ADARB1: variants seen among roughly 807,000 people sequenced by gnomAD.
ADARB1 encodes adenosine deaminase RNA specific B1, also known as double-stranded RNA-specific editase 1.
ADARB1 carries 10 observed loss-of-function variants against 52.4 expected under a neutral mutation model. The observed-to-expected ratio is 0.19, with a 90% CI of 0.12 to 0.32. ADARB1 has a LOEUF of 0.32. ADARB1 is among the 10% of genes least tolerant of loss of function. ADARB1 has a pLI of 1.00. For synonymous variants in ADARB1, 349 were observed against 371.1 expected, an observed-to-expected ratio of 0.94 and a Z score of 0.68; for missense variants, 643 against 922.3, an observed-to-expected ratio of 0.70 and a Z score of 3.92.
chr21:45,221,489 T>G lies in ADARB1; in HGVS notation c.1926+475T>G, dbSNP rs2092963128. Among the ~76,000 whole-genome samples the G allele has an allele frequency of 6.6e-6, 1 of 152,216 alleles. No homozygotes were observed. Among genetic ancestry groups the G allele is most frequent in the Non-Finnish European group, 1.5e-5 (1 of 68,034 alleles). ...GGGTATTACTAGTTTGTGTGTATTC[T>G]TCAGTCAAGTAGATGGCATCTGTTT... On this transcript the variant is annotated intron_variant, in intron 10 of 10. Coordinates refer to ENST00000348831, the MANE Select transcript of ADARB1 (RefSeq NM_001112.4). This position sits in a 1 kb window ranked among gnomAD's most constrained non-coding sequence, Gnocchi z 4.9.
At chr21:45,160,990 A>T (rs1046475934) in intron 2 of ADARB1, among the ~76,000 whole-genome samples, 2 of 152,364 alleles carry the variant, frequency 1.3e-5, no homozygotes, top group East Asian at 3.9e-4. Context: ...GATCTGCTTT[A>T]TAGGATTTAT....
At chr21:45,105,194 G>A (rs1195061256) in intron 1 of ADARB1, among the ~76,000 whole-genome samples, 1 of 152,128 alleles carries the variant, frequency 6.6e-6, no homozygotes, top group East Asian at 1.9e-4. Flanking sequence ...TCTACCTCCT[G>A]GGGTCAAGCA....
intron 1 of ADARB1, among the ~76,000 whole-genome samples, chr21:45,075,699 C>T (rs1486877141): frequency 6.6e-6 from 1 of 152,218 alleles, no homozygotes; most frequent in Non-Finnish European, 1.5e-5. Context: ...TCCCGATTTA[C>T]ACGCTGGAAA....
chr21:45,213,437 T>C (rs905560644), intron 9 of ADARB1, among the ~76,000 whole-genome samples: 13 of 152,240 alleles, frequency 8.5e-5, no homozygotes. Context: ...ATTTAAAGTA[T>C]ACAATTTGAT....
intron 2 of ADARB1, among the ~76,000 whole-genome samples, chr21:45,167,694 C>T (rs898274334): frequency 2.6e-5 from 4 of 152,052 alleles, no homozygotes; most frequent in Non-Finnish European, 5.9e-5. Context: ...TTGCAGTGAG[C>T]CGAGATAGCG....
chr21:45,216,929 C>T (rs9983925), intron 9 of ADARB1, among the ~76,000 whole-genome samples: 68,256 of 151,378 alleles, frequency 0.45, 18,182 homozygotes, highest in African/African-American at 0.75. Flanking sequence ...CTTAATAAAC[C>T]GACCTCCTTT....
intron 2 of ADARB1, among the ~76,000 whole-genome samples, chr21:45,168,808 C>T (rs1363912253): frequency 2.0e-5 from 3 of 152,002 alleles, no homozygotes; most frequent in African/African-American, 4.8e-5. Context: ...GTGTCATCTC[C>T]GTGTTGGCAT....
chr21:45,171,301 C>G (rs1355518647), intron 2 of ADARB1, among the ~76,000 whole-genome samples: 1 of 152,226 alleles, frequency 6.6e-6, no homozygotes, highest in Non-Finnish European at 1.5e-5. Flanking sequence ...TCCCTGGGCA[C>G]TGGCCCTGAA....
chr21:45,148,009 G>A (rs116036357), intron 2 of ADARB1, among the ~76,000 whole-genome samples: 2,057 of 152,006 alleles, frequency 0.014, 42 homozygotes, highest in African/African-American at 0.047. Context: ...CAGCCCTCTC[G>A]AACTCACCCC....
At position 45,223,623 on chromosome 21, in the gene ADARB1, C is replaced by A. The variant is rs549197175; in HGVS notation, c.*1426C>A. 1 of 985,616 alleles carries A rather than the reference C, an allele frequency of 1.0e-6. No individual in the cohort carries two copies. The allele number at this position is 985,616 out of a possible 1,614,324, so 61.1% of individuals were successfully genotyped here. On this transcript the variant is annotated 3_prime_UTR_variant, in exon 11 of 11. Coordinates refer to ENST00000348831, the MANE Select transcript of ADARB1 (RefSeq NM_001112.4). ...GGGAGAGATTGGTGCAGACCTTACCCCACAGCATACACCTGCCACAGCGAA... is the reference window on the plus strand; with the variant it reads ...GGGAGAGATTGGTGCAGACCTTACCACACAGCATACACCTGCCACAGCGAA...
intron 2 of ADARB1, chr21:45,152,600 C>G: frequency 2.4e-6 from 1 of 417,712 alleles, no homozygotes. Context: ...CTGGCATTGG[C>G]GTGTCTGCAT....
chr21:45,131,562 C>T (rs542309466), intron 2 of ADARB1, among the ~76,000 whole-genome samples: 1 of 152,336 alleles, frequency 6.6e-6, no homozygotes, highest in East Asian at 1.9e-4. Context: ...CCCATGTCAC[C>T]ATGATGCCTA....
At chr21:45,103,913 C>T (rs1215469817) in intron 1 of ADARB1, among the ~76,000 whole-genome samples, 3 of 152,098 alleles carry the variant, frequency 2.0e-5, no homozygotes, top group African/African-American at 4.8e-5. Context: ...TAAGTGGTTC[C>T]ACTAGTTTTC....
At chr21:45,091,301 G>A (rs1234179032) in intron 1 of ADARB1, among the ~76,000 whole-genome samples, 1 of 152,180 alleles carries the variant, frequency 6.6e-6, no homozygotes, top group African/African-American at 2.4e-5. Flanking sequence ...TTCAATGCTA[G>A]TTGACGTTTG....
chr21:45,176,632 C>G lies in ADARB1; in HGVS notation c.931C>G (p.Pro311Ala). The change falls in exon 4 of 11, where the codon CCC becomes GCC. Residue 311 changes from proline (P) to alanine (A), a missense_variant. By Grantham distance (27) the Pro-to-Ala change is conservative (BLOSUM62 -1). Around this residue, in one of 2 missense-constraint regions of ADARB1, gnomAD observed 380 missense variants for 446.5 expected, o/e 0.85. Transcript: ENST00000348831. This position sits in a 1 kb window ranked among gnomAD's most constrained non-coding sequence, Gnocchi z 5.8. ...LDQTPSRQPI[P>A]SEGLQLHLPQ... ...TCAGACGCCATCTCGCCAGCCTATTCCCAGTGAGGGTCTTCAGCTGCATTT... is the reference window on the plus strand; with the variant it reads ...TCAGACGCCATCTCGCCAGCCTATTGCCAGTGAGGGTCTTCAGCTGCATTT... 6.2e-7 allele frequency: 1 copy of G among 1,612,794 alleles called. No individual in the cohort carries two copies.
chr21:45,099,322 C>CT (rs2123721734), intron 1 of ADARB1, among the ~76,000 whole-genome samples: 2 of 152,228 alleles, frequency 1.3e-5, no homozygotes, highest in East Asian at 3.9e-4. Context: ...AGTATACAGC[C>CT]TGTTAAATTA....
intron 2 of ADARB1, among the ~76,000 whole-genome samples, chr21:45,150,198 C>T (rs2090212828): frequency 6.6e-6 from 1 of 152,192 alleles, no homozygotes; most frequent in African/African-American, 2.4e-5. Flanking sequence ...CGCTTGAATC[C>T]AGGAGGTGGA....
At chr21:45,154,758 A>T (rs747300936) in intron 2 of ADARB1, among the ~76,000 whole-genome samples, 55 of 152,346 alleles carry the variant, frequency 3.6e-4, no homozygotes, top group Admixed American at 3.9e-4. Flanking sequence ...TGTACCATTT[A>T]AATACTGGCC....
intron 9 of ADARB1, among the ~76,000 whole-genome samples, chr21:45,217,216 ATAT>A (rs1276511748): frequency 6.6e-6 from 1 of 151,794 alleles, no homozygotes; most frequent in African/African-American, 2.4e-5. Context: ...GTGATTATTG[ATAT>A]TATTAGGTTT....
Sources: gnomAD v4.1 joint callset for allele counts (sites outside exome capture counted in the v4.1 genomes callset) on GRCh38, gnomAD v4.1.1 for gene constraint, gnomAD v4.1.1 regional missense constraint, Gnocchi (gnomAD v3.1) non-coding constraint, MANE v1.5 for transcripts, NCBI Gene and HGNC (gene_info 2026-07-23, HGNC 2026-07-21) for gene names.